Variants in ANK3 observed in about 807,000 individuals in gnomAD.
The protein encoded by ANK3 is ankyrin-3.
Under a neutral mutation model 370.9 loss-of-function variants are expected in ANK3, and 57 were observed. The ratio of observed to expected loss-of-function variants is 0.15; its 90% CI spans 0.12 to 0.19. ANK3 has a LOEUF of 0.19. Among genes scored for constraint, ANK3 ranks in the 10% least tolerant of loss-of-function variants. ANK3 has a pLI of 1.00. For missense variants in ANK3, 4,439 were observed against 5,302.1 expected (o/e 0.84, Z 5.06); for synonymous variants, 1,929 against 1,946.3 (o/e 0.99, Z 0.23).
At chr10:60,065,846 C>T (rs2081533656) in intron 38 of ANK3, among the ~76,000 whole-genome samples, 1 of 152,084 alleles carries the variant, frequency 6.6e-6, no homozygotes, top group Non-Finnish European at 1.5e-5. Flanking sequence ...GCATTGTGAA[C>T]CACAGTTAGA....
At chr10:60,275,061 A>G (rs2098066898) in intron 4 of ANK3, among the ~76,000 whole-genome samples, 1 of 152,218 alleles carries the variant, frequency 6.6e-6, no homozygotes, top group South Asian at 2.1e-4. Flanking sequence ...GTCAGATTTC[A>G]AAATAAGAGA....
chr10:60,408,275 A>G (rs2063493127), intron 2 of ANK3, among the ~76,000 whole-genome samples: 1 of 151,872 alleles, frequency 6.6e-6, no homozygotes, highest in African/African-American at 2.4e-5. Flanking sequence ...TTAATTGTCA[A>G]CCCCAGTGTT....
chr10:60,689,880 T>C (rs7919875), intron 1 of ANK3, among the ~76,000 whole-genome samples: 7,925 of 152,246 alleles, frequency 0.052, 290 homozygotes, highest in African/African-American at 0.086. Flanking sequence ...ATTGTATGTA[T>C]AGTATAAACA....
In ANK3 at chr10:60,068,061, T is replaced by C. The variant is rs767466027; in HGVS notation, c.12245-52A>G. 2.6e-6 allele frequency: 4 copies of C among 1,547,236 alleles called. No individual in the cohort carries two copies. In the East Asian group the frequency reaches 9.1e-5, roughly 35 times the overall value. On this transcript the variant is annotated intron_variant, in intron 37 of 43. Coordinates refer to ENST00000280772, the MANE Select transcript of ANK3 (RefSeq NM_020987.5). ...ATAATCATCAAGAAAGATACGATAC[T>C]GGAAAATTGCTTTTAGCAGTACGCA...
chr10:60,620,275 A>C (rs2133328156), intron 1 of ANK3, among the ~76,000 whole-genome samples: 1 of 152,344 alleles, frequency 6.6e-6, no homozygotes, highest in African/African-American at 2.4e-5. Flanking sequence ...ATGCATCTCC[A>C]TCAAAGGTGT....
At chr10:60,334,973 T>G (rs1193508339) in intron 1 of ANK3, among the ~76,000 whole-genome samples, 1 of 152,086 alleles carries the variant, frequency 6.6e-6, no homozygotes, top group African/African-American at 2.4e-5. Context: ...TGTACTGGCT[T>G]TATACGACCT....
In ANK3 at chr10:60,074,071, G is replaced by A; in HGVS notation, c.6810C>T (p.Thr2270=). 1 of 1,614,048 alleles carries A rather than the reference G, an allele frequency of 6.2e-7. No homozygotes were observed. ...GEGASERIEE[T]MSVHDIMKAF... is the part of the protein sequence containing the mutation. ...CCTTCATGATGTCATGGACTGACAT[G>A]GTTTCTTCAATTCTTTCAGATGCAC... Residue 2270 remains threonine, a synonymous_variant, in exon 37 of 44, where the codon ACC becomes ACT. Coordinates refer to ENST00000280772, the MANE Select transcript of ANK3 (RefSeq NM_020987.5).
chr10:60,695,179 T>A (rs957468415), intron 1 of ANK3, among the ~76,000 whole-genome samples: 8 of 152,104 alleles, frequency 5.3e-5, no homozygotes, highest in Admixed American at 4.6e-4. Flanking sequence ...AAAGGGACAT[T>A]CAATTCAACA....
At chr10:60,081,883 C>CTTTA (rs1430566486) in intron 35 of ANK3, 10 of 329,830 alleles carry the variant, frequency 3.0e-5, no homozygotes, top group African/African-American at 2.1e-4. Context: ...TTATACATGC[C>CTTTA]AATCTACCAT....
intron 1 of ANK3, among the ~76,000 whole-genome samples, chr10:60,719,786 G>T (rs1419925236): frequency 6.6e-6 from 1 of 152,006 alleles, no homozygotes; most frequent in African/African-American, 2.4e-5. Context: ...TAATTATGAT[G>T]TTATTTGCTA....
intron 1 of ANK3, among the ~76,000 whole-genome samples, chr10:60,698,617 T>C (rs1478188833): frequency 6.8e-5 from 10 of 147,814 alleles, no homozygotes; most frequent in African/African-American, 2.5e-4. Flanking sequence ...ATGGATGAAA[T>C]TGGAAATCAT....
chr10:60,114,819 T>G (rs935384397), intron 25 of ANK3, among the ~76,000 whole-genome samples: 2 of 152,214 alleles, frequency 1.3e-5, no homozygotes, highest in Non-Finnish European at 2.9e-5. Flanking sequence ...AGAGGGCGGT[T>G]GAAGCATCGA....
At chr10:60,116,753 T>A (rs2093121087) in intron 25 of ANK3, among the ~76,000 whole-genome samples, 1 of 141,194 alleles carries the variant, frequency 7.1e-6, no homozygotes, top group Admixed American at 7.3e-5. Flanking sequence ...CTCCCCTCAG[T>A]CTAAAAAAAA....
chr10:60,197,169 A>G (rs1427135840), intron 14 of ANK3, among the ~76,000 whole-genome samples: 1 of 152,192 alleles, frequency 6.6e-6, no homozygotes, highest in Non-Finnish European at 1.5e-5. Flanking sequence ...CTTCAGGAGG[A>G]GGAGTGAGAA....
At chr10:60,258,430 G>T (rs1004999516) in intron 7 of ANK3, among the ~76,000 whole-genome samples, 6 of 152,134 alleles carry the variant, frequency 3.9e-5, no homozygotes, top group Admixed American at 3.9e-4. Context: ...TTGAAGGAAA[G>T]GTGTTATTGA....
chr10:60,568,867 C>T lies in ANK3; in HGVS notation c.96+46319G>A, dbSNP rs575291089. 2.6e-5 allele frequency among the ~76,000 whole-genome samples: 4 copies of T among 152,208 alleles called. No individual in the cohort carries two copies. The East Asian group carries it at 5.8e-4, about 22-fold the overall frequency. On this transcript the variant is annotated intron_variant, in intron 2 of 43. Transcript: ENST00000373827. ...GGTCATAAAAGAAGAGCAAAAGATG[C>T]CTCTCCTTCCACAGATACACACTGA...
At chr10:60,581,690 G>A (rs146900073) in intron 2 of ANK3, among the ~76,000 whole-genome samples, 2,464 of 151,398 alleles carry the variant, frequency 0.016, 99 homozygotes, top group East Asian at 0.052. Context: ...CATCTGCCTC[G>A]GCCTCCCAAA....
At chr10:60,530,600 A>G (rs1260184329) in intron 2 of ANK3, among the ~76,000 whole-genome samples, 1 of 152,158 alleles carries the variant, frequency 6.6e-6, no homozygotes, top group African/African-American at 2.4e-5. Flanking sequence ...TTGTTGCCCT[A>G]TGTGCCTTCC....
Position 60,441,628 on chromosome 10 carries a change from G to A in ANK3, c.97-161989C>T, listed in dbSNP as rs73268889. Among the ~76,000 whole-genome samples the A allele has an allele frequency of 7.0e-3, 1,067 of 152,124 alleles. 15 individuals are homozygous for A. Among genetic ancestry groups the A allele is most frequent in the African/African-American group, 0.025 (1,036 of 41,482 alleles). The stretch of plus-strand genomic sequence containing the variant: ...AAAGGTGTAGAAAATGTTTATATCT[G>A]GCATAATAAGTAAAATTATATTTAC... On this transcript the variant is annotated intron_variant, in intron 2 of 43. Transcript: ENST00000373827.
Sources: gnomAD v4.1 joint callset for allele counts (sites outside exome capture counted in the v4.1 genomes callset) on GRCh38, gnomAD v4.1.1 for gene constraint, MANE v1.5 for transcripts, NCBI Gene and HGNC (gene_info 2026-07-23, HGNC 2026-07-21) for gene names.